The following CPQ variants were observed in gnomAD, a reference collection of about 807,000 sequenced individuals.
CPQ encodes the protein carboxypeptidase Q.
In CPQ, 37 loss-of-function variants were observed where a neutral mutation model predicts 45.7. The ratio of observed to expected loss-of-function variants is 0.81; its 90% CI spans 0.62 to 1.07. The LOEUF is 1.07. CPQ is among the 50% of genes least tolerant of loss of function. The pLI, the probability that CPQ is intolerant of heterozygous loss-of-function variation, is 0.00. For missense variants in CPQ, 537 were observed against 572.9 expected (o/e 0.94, Z 0.64); for synonymous variants, 186 against 205.8 (o/e 0.90, Z 0.82).
chr8:96,970,931 C>T (rs190768079), intron 5 of CPQ, among the ~76,000 whole-genome samples: 2 of 152,132 alleles, frequency 1.3e-5, no homozygotes, highest in African/African-American at 2.4e-5. Context: ...GAACACTCAT[C>T]CTCAGGATAA....
intron 1 of CPQ, among the ~76,000 whole-genome samples, chr8:96,759,667 A>G (rs568865351): frequency 1.4e-4 from 22 of 152,288 alleles, no homozygotes; most frequent in Middle Eastern, 3.4e-3. Context: ...TTTGTTTTAT[A>G]GATGAGGAGA....
At chr8:96,726,611 T>C (rs1480767341) in intron 1 of CPQ, among the ~76,000 whole-genome samples, 1 of 152,192 alleles carries the variant, frequency 6.6e-6, no homozygotes. Context: ...CTCACTATCT[T>C]AAGGACAGTG....
intron 5 of CPQ, among the ~76,000 whole-genome samples, chr8:96,976,694 C>T (rs1283484568): frequency 1.3e-5 from 2 of 151,956 alleles, no homozygotes; most frequent in Non-Finnish European, 2.9e-5. Flanking sequence ...GAAATAAAGC[C>T]AAATACTTAC....
chr8:96,934,658 G>A (rs1229699410), intron 4 of CPQ, among the ~76,000 whole-genome samples: 1 of 152,044 alleles, frequency 6.6e-6, no homozygotes, highest in Admixed American at 6.6e-5. Flanking sequence ...GCTGCCACCT[G>A]GGCTAAACAA....
intron 4 of CPQ, among the ~76,000 whole-genome samples, chr8:96,949,455 A>G (rs886832961): frequency 1.3e-5 from 2 of 151,936 alleles, no homozygotes; most frequent in Non-Finnish European, 2.9e-5. Context: ...ATCTGGTCTG[A>G]AAGACTTCCA....
At chr8:97,009,249 C>CT (rs1355900900) in intron 5 of CPQ, among the ~76,000 whole-genome samples, 1 of 152,240 alleles carries the variant, frequency 6.6e-6, no homozygotes, top group Non-Finnish European at 1.5e-5. Context: ...AATGCACCTG[C>CT]TGATGCCTCA....
intron 2 of CPQ, among the ~76,000 whole-genome samples, chr8:96,786,093 C>CA (rs1810765312): frequency 6.6e-6 from 1 of 152,124 alleles, no homozygotes; most frequent in South Asian, 2.1e-4. Flanking sequence ...AATATATTCA[C>CA]AGAGTTGTGC....
At chr8:96,925,353 C>A (rs1204219481) in intron 4 of CPQ, among the ~76,000 whole-genome samples, 1 of 151,728 alleles carries the variant, frequency 6.6e-6, no homozygotes, top group African/African-American at 2.4e-5. Context: ...ATGATTTAAA[C>A]CAGAGCCTTT....
chr8:96,922,489 C>T (rs1812822312), intron 4 of CPQ, among the ~76,000 whole-genome samples: 1 of 152,204 alleles, frequency 6.6e-6, no homozygotes, highest in African/African-American at 2.4e-5. Context: ...AGAGAACAGA[C>T]TGCTGTGAAT....
intron 5 of CPQ, among the ~76,000 whole-genome samples, chr8:96,994,822 C>T (rs1007738878): frequency 1.3e-5 from 2 of 151,946 alleles, no homozygotes; most frequent in African/African-American, 4.8e-5. Flanking sequence ...GGACATCGAC[C>T]TATTAATAAC....
intron 6 of CPQ, among the ~76,000 whole-genome samples, chr8:97,060,771 CTAGCTA>C (rs1240309512): frequency 6.6e-6 from 1 of 152,178 alleles, no homozygotes; most frequent in Non-Finnish European, 1.5e-5. Flanking sequence ...CTCCCTGTCA[CTAGCTA>C]TAATCAGCTT....
intron 4 of CPQ, among the ~76,000 whole-genome samples, chr8:96,880,330 T>C (rs1017938669): frequency 1.3e-5 from 2 of 151,828 alleles, no homozygotes; most frequent in African/African-American, 4.8e-5. Flanking sequence ...CTCAAATAAC[T>C]GAAAACAGAA....
intron 5 of CPQ, among the ~76,000 whole-genome samples, chr8:96,972,112 C>A (rs1813689626): frequency 2.0e-5 from 3 of 152,182 alleles, no homozygotes; most frequent in African/African-American, 7.2e-5. Flanking sequence ...GGGGCAAGTT[C>A]TCAGCCCTAG....
chr8:96,732,026 G>A (rs1460956697), intron 1 of CPQ, among the ~76,000 whole-genome samples: 1 of 152,106 alleles, frequency 6.6e-6, no homozygotes, highest in East Asian at 1.9e-4. Context: ...TAAGTGTTCA[G>A]GGAGATGACA....
chr8:96,962,076 A>AT (rs1813469974), intron 4 of CPQ, among the ~76,000 whole-genome samples: 2 of 152,118 alleles, frequency 1.3e-5, no homozygotes, highest in Non-Finnish European at 2.9e-5. Flanking sequence ...TGCCGTTGTC[A>AT]TTCTGGTTCC....
chr8:97,099,115 C>CTTTTTTTTTT lies in CPQ; in HGVS notation c.1255+32923_1255+32932dup, dbSNP rs34830752. Among the ~76,000 whole-genome samples the CTTTTTTTTTT allele has an allele frequency of 2.1e-4, 14 of 66,344 alleles. 1 individual carries two copies. Among genetic ancestry groups the CTTTTTTTTTT allele is most frequent in the East Asian group, 5.0e-4 (1 of 1,994 alleles). The allele number at this position is 66,344 out of a possible 152,430, so 43.5% of individuals were successfully genotyped here. A position where few individuals can be genotyped will look rare whatever the true frequency, so the allele number is the denominator to read the frequency against. ...GAAGTCCCAAAACTCCCTTCTCTCT[C>CTTTTTTTTTT]TTTTTTTTTTTTTTTTTTTTTTTTT... On this transcript the variant is annotated intron_variant, in intron 7 of 7. Transcript: ENST00000220763.
In CPQ at chr8:96,878,026, G is replaced by A. The variant is rs181691134; in HGVS notation, c.642-1772G>A. 2.6e-5 allele frequency among the ~76,000 whole-genome samples: 4 copies of A among 152,038 alleles called. No individual in the cohort carries two copies. The East Asian group carries it at 7.7e-4, about 29-fold the overall frequency. On this transcript the variant is annotated intron_variant, in intron 3 of 7. Transcript: ENST00000220763. ...CGCCCAGGCTGGAGTGCAGTGGCAT[G>A]ATCTCGGCTCACTGCAAGCTCCACC...
At chr8:96,905,748 C>G (rs1277415086) in intron 4 of CPQ, among the ~76,000 whole-genome samples, 2 of 147,246 alleles carry the variant, frequency 1.4e-5, no homozygotes, top group Non-Finnish European at 3.0e-5. Context: ...ATAAATTCAG[C>G]CCTGTCTTAA....
At chr8:96,868,360 A>G (rs1216079902) in intron 3 of CPQ, among the ~76,000 whole-genome samples, 6 of 152,046 alleles carry the variant, frequency 3.9e-5, no homozygotes, top group African/African-American at 1.2e-4. Context: ...ACTCATGTTC[A>G]CCTTCACATC....
Sources: allele counts gnomAD v4.1 joint callset (sites outside exome capture counted in the v4.1 genomes callset), GRCh38; gene constraint gnomAD v4.1.1; transcripts MANE v1.5; gene names NCBI Gene and HGNC (gene_info 2026-07-23, HGNC 2026-07-21).